Variants in WDR12 observed in about 807,000 individuals in gnomAD.
WDR12 encodes the protein ribosome biogenesis protein WDR12.
A neutral mutation model predicts 64.3 loss-of-function variants in WDR12; 42 were observed. The observed-to-expected ratio is 0.65, with a 90% CI of 0.51 to 0.84. WDR12 has a LOEUF of 0.84. WDR12 is among the 40% of genes least tolerant of loss of function. The pLI is 0.00. For missense variants in WDR12, 469 were observed against 494.6 expected (o/e 0.95, Z 0.49); for synonymous variants, 158 against 173.3 (o/e 0.91, Z 0.70).
chr2:202,908,158 GT>G (rs1688496942), intron 1 of WDR12, among the ~76,000 whole-genome samples, 199 bp from the exon 2 acceptor site: 1 of 152,132 alleles, frequency 6.6e-6, no homozygotes, highest in Non-Finnish European at 1.5e-5. Flanking sequence ...ATAGAATGAA[GT>G]TATATAAGAA....
chr2:202,894,410 C>T (rs1161489488), intron 7 of WDR12, among the ~76,000 whole-genome samples, 171 bp downstream of exon 7: 1 of 152,152 alleles, frequency 6.6e-6, no homozygotes, highest in African/African-American at 2.4e-5. Flanking sequence ...TTAGTAGAGA[C>T]GGGGTCTCAC....
intron 8 of WDR12, among the ~76,000 whole-genome samples, chr2:202,890,996 T>TAAAA (rs71030997): frequency 9.0e-6 from 1 of 111,174 alleles, no homozygotes; most frequent in East Asian, 2.7e-4. Context: ...TTTGTCTCTT[T>TAAAA]AAAAAAAAAA....
In WDR12 at chr2:202,884,864, C is replaced by G. The variant is rs189331054; in HGVS notation, c.742-329G>C. 1.7e-3 allele frequency among the ~76,000 whole-genome samples: 266 copies of G among 152,342 alleles called. 2 individuals are homozygous for G. The highest frequency in any genetic ancestry group is 3.0e-3 in the Non-Finnish European group (203 of 68,038). On this transcript the variant is annotated intron_variant, in intron 8 of 12. Transcript: ENST00000261015. Reference sequence around the variant, plus strand: ...CTTTTCATTTTGATCAGCATTAACACAAACTTAACTCTCCCAGCTGACAAA... The same window carrying G: ...CTTTTCATTTTGATCAGCATTAACAGAAACTTAACTCTCCCAGCTGACAAA...
In WDR12 at chr2:202,883,593, C is replaced by T; in HGVS notation, c.1121+16G>A. ...TAATTGATATGTTTCTCTTATAGAT[C>T]ATAAATAGAATTTACCTTCTTGTAT... On this transcript the variant is annotated intron_variant, in intron 11 of 12. Transcript: ENST00000261015. The T allele has an allele frequency of 1.2e-6, 2 of 1,610,356 alleles. No individual in the cohort carries two copies. Among genetic ancestry groups the T allele is most frequent in the East Asian group, 2.2e-5 (1 of 44,858 alleles).
rs1015033304 is a variant in WDR12, at chr2:202,877,726, C to T, written c.*3134G>A. ...CAAGTATCAACATTTTAAAGAACTG[C>T]ACTACTATGGCAAGACAGCATAACT... On this transcript the variant is annotated 3_prime_UTR_variant, in exon 13 of 13. Transcript: ENST00000261015. The T allele has an allele frequency of 6.6e-6, 1 of 152,086 alleles. No individual in the cohort carries two copies. The highest frequency in any genetic ancestry group is 2.4e-5 in the African/African-American group (1 of 41,386). The allele number at this position is 152,086 out of a possible 1,614,324, so 9.4% of individuals were successfully genotyped here.
Position 202,892,632 on chromosome 2 carries a change from C to G in WDR12, c.726G>C (p.Gln242His). ...AAATACTGACCCTTGTTAGTCCCAA[C>G]TGTTCTGTCTTCTGTTTCTTTCTTG... Reference protein sequence around the residue: ...NRPRKKQKTEQLGLTRTPIVT... With the variant: ...NRPRKKQKTEHLGLTRTPIVT... The change falls in exon 8 of 13, where the codon CAG becomes CAC. Residue 242 changes from glutamine to histidine, a missense_variant. Gln to His is a conservative substitution (Grantham distance 24). Transcript: ENST00000261015. 6.2e-7 allele frequency: 1 copy of G among 1,612,978 alleles called. No individual in the cohort carries two copies. The highest frequency in any genetic ancestry group is 8.5e-7 in the Non-Finnish European group (1 of 1,179,268).
At chr2:202,886,015 C>T (rs539836476) in intron 8 of WDR12, among the ~76,000 whole-genome samples, 2 of 152,232 alleles carry the variant, frequency 1.3e-5, no homozygotes, top group South Asian at 4.2e-4. Context: ...TACCATCACG[C>T]CACTGCACTC....
At chr2:202,895,860 T>C in intron 6 of WDR12, 1 of 510,200 alleles carries the variant, frequency 2.0e-6, no homozygotes, top group Admixed American at 3.7e-5. Flanking sequence ...TTCTGGAGTT[T>C]ATATAAGGTT....
intron 1 of WDR12, among the ~76,000 whole-genome samples, chr2:202,910,954 A>G (rs147562213): frequency 2.4e-4 from 36 of 152,306 alleles, no homozygotes; most frequent in African/African-American, 7.9e-4. Context: ...GAGACTTCCA[A>G]TATAGTTGGA....
chr2:202,882,711 C>T lies in WDR12; in HGVS notation c.1194G>A (p.Gly398=), dbSNP rs1687976526. Residue 398 remains glycine (G), a splice_region_variant and synonymous_variant, in exon 12 of 13, where the codon GGG becomes GGA. Coordinates refer to ENST00000261015, the MANE Select transcript of WDR12 (RefSeq NM_018256.4). The stretch of plus-strand genomic sequence containing the variant: ...CATCAAATAACTAATAAATTCTTAC[C>T]CCTGTGTCTGTCCAGTCTACACTCA... The part of the protein sequence containing the change: ...KVLSVDWTDT[G]LLLSGGADNK... 1 of 1,613,200 alleles carries T rather than the reference C, an allele frequency of 6.2e-7. No homozygotes were observed.
intron 4 of WDR12, among the ~76,000 whole-genome samples, chr2:202,898,989 T>G (rs2105909578): frequency 6.8e-6 from 1 of 147,948 alleles, no homozygotes; most frequent in African/African-American, 2.5e-5. Context: ...CTACCACATA[T>G]TGAACAGAAC....
At chr2:202,902,992 T>C (rs904524496) in intron 2 of WDR12, among the ~76,000 whole-genome samples, 2 of 152,044 alleles carry the variant, frequency 1.3e-5, no homozygotes, top group East Asian at 1.9e-4. Flanking sequence ...AGCAGGAGAA[T>C]TGCTTGAACC....
In WDR12 at chr2:202,874,279, AGT is replaced by A. The variant is rs1361306592; in HGVS notation, c.*6579_*6580del. 6.6e-6 allele frequency among the ~76,000 whole-genome samples: 1 copy of A among 152,218 alleles called. No homozygotes were observed. The highest frequency in any genetic ancestry group is 2.4e-5 in the African/African-American group (1 of 41,448). On this transcript the variant is annotated 3_prime_UTR_variant, in exon 13 of 13. Coordinates refer to ENST00000261015, the MANE Select transcript of WDR12 (RefSeq NM_018256.4). ...AAAGTACTTTTAAATTTCATTTAGA[AGT>A]ACATTTACTGAACTGTTATTTAACT...
Position 202,911,521 on chromosome 2 carries a change from C to G in WDR12, c.-45G>C, listed in dbSNP as rs758879221. 6.3e-7 allele frequency: 1 copy of G among 1,591,744 alleles called. No individual in the cohort carries two copies. The highest frequency in any genetic ancestry group is 8.6e-7 in the Non-Finnish European group (1 of 1,159,620). The stretch of plus-strand genomic sequence containing the variant: ...TTGCCCACGGAAACGTACGGGTTAG[C>G]AGACCCACAACACGAAGCTCCTGCC... On this transcript the variant is annotated 5_prime_UTR_variant, in exon 1 of 13. Transcript: ENST00000261015.
At chr2:202,890,422 T>C (rs1419832329) in intron 8 of WDR12, among the ~76,000 whole-genome samples, 1 of 152,126 alleles carries the variant, frequency 6.6e-6, no homozygotes, top group African/African-American at 2.4e-5. Context: ...AGGGTACTGG[T>C]ATATCTATAT....
chr2:202,902,078 A>C (rs1688357751), intron 2 of WDR12, among the ~76,000 whole-genome samples: 1 of 152,172 alleles, frequency 6.6e-6, no homozygotes, highest in Non-Finnish European at 1.5e-5. Flanking sequence ...ACTTACATTC[A>C]TTTCTTTCAG....
intron 8 of WDR12, among the ~76,000 whole-genome samples, chr2:202,887,894 CAAAA>C (rs778475206): frequency 4.0e-4 from 24 of 60,752 alleles, no homozygotes; most frequent in Non-Finnish European, 7.2e-4. Flanking sequence ...GACTCCGTCT[CAAAA>C]AAAAAAAAAA....
chr2:202,905,074 C>G (rs1288927285), intron 2 of WDR12, among the ~76,000 whole-genome samples: 1 of 152,214 alleles, frequency 6.6e-6, no homozygotes, highest in African/African-American at 2.4e-5. Flanking sequence ...AGGGTGCTCA[C>G]CATCACTGAT....
rs202088250 is a variant in WDR12, at chr2:202,884,527, T to C, written c.750A>G (p.Ile250Met). Residue 250 changes from isoleucine to methionine, a missense_variant, in exon 9 of 13, where the codon ATA (isoleucine) becomes ATG (methionine). Ile to Met is a conservative substitution (Grantham distance 10). Transcript: ENST00000261015. ...CCTCCATGTGGCCAGAGAGGGTCACTATGGGAGTCTAGAAAGGAAGAACCC... is the reference window on the plus strand; with the variant it reads ...CCTCCATGTGGCCAGAGAGGGTCACCATGGGAGTCTAGAAAGGAAGAACCC... ...TEQLGLTRTP[I>M]VTLSGHMEAV... 6.2e-7 allele frequency: 1 copy of C among 1,606,588 alleles called. No individual in the cohort carries two copies. Among genetic ancestry groups the C allele is most frequent in the Non-Finnish European group, 8.5e-7 (1 of 1,178,210 alleles).
Sources: gnomAD v4.1 joint callset for allele counts (sites outside exome capture counted in the v4.1 genomes callset) on GRCh38, gnomAD v4.1.1 for gene constraint, MANE v1.5 for transcripts, NCBI Gene and HGNC (gene_info 2026-07-23, HGNC 2026-07-21) for gene names.